The following PRKG1 variants were observed in gnomAD, a reference collection of about 807,000 sequenced individuals.
The protein encoded by PRKG1 is protein kinase cGMP-dependent 1, also known as cGMP-dependent protein kinase 1.
Under a neutral mutation model 88.1 loss-of-function variants are expected in PRKG1, and 35 were observed. The observed-to-expected ratio is 0.40, with a 90% confidence interval of 0.30 to 0.53. PRKG1 has a LOEUF of 0.53. Among genes scored for constraint, PRKG1 ranks in the 20% least tolerant of loss-of-function variants. The pLI is 0.59. For synonymous variants in PRKG1, 303 were observed against 292.5 expected (o/e 1.04, Z -0.37); for missense variants, 540 against 839.8 (o/e 0.64, Z 4.41).
intron 4 of PRKG1, among the ~76,000 whole-genome samples, chr10:51,831,602 G>A (rs1223715822): frequency 6.6e-6 from 1 of 152,144 alleles, no homozygotes; most frequent in East Asian, 1.9e-4. Flanking sequence ...GTTACTCATA[G>A]TTCACTACTA....
chr10:51,785,179 T>C (rs1033734432), intron 3 of PRKG1, among the ~76,000 whole-genome samples: 1 of 151,806 alleles, frequency 6.6e-6, no homozygotes, highest in African/African-American at 2.4e-5. Context: ...CTCCTGCCTC[T>C]ACCCATTCTC....
chr10:51,834,702 G>A (rs1293968548), intron 4 of PRKG1, among the ~76,000 whole-genome samples: 92 of 144,254 alleles, frequency 6.4e-4, no homozygotes, highest in African/African-American at 2.2e-3. Context: ...GAAAGAGAGA[G>A]AGAGAAAGAG....
At chr10:51,661,491 C>T (rs1026612421) in intron 3 of PRKG1, among the ~76,000 whole-genome samples, 3 of 152,146 alleles carry the variant, frequency 2.0e-5, no homozygotes, top group Non-Finnish European at 2.9e-5. Flanking sequence ...CTCATCATCA[C>T]TGGTCATCAG....
chr10:52,052,303 A>G (rs968923913), intron 5 of PRKG1, among the ~76,000 whole-genome samples: 3 of 152,068 alleles, frequency 2.0e-5, no homozygotes, highest in Non-Finnish European at 1.5e-5. Flanking sequence ...GGAAAGGCAC[A>G]CTGGTTCATG....
At chr10:52,118,837 A>G (rs924749228) in intron 7 of PRKG1, among the ~76,000 whole-genome samples, 6 of 152,120 alleles carry the variant, frequency 3.9e-5, no homozygotes, top group Non-Finnish European at 8.8e-5. Flanking sequence ...TTAAGATGAA[A>G]TAGGAAATAT....
intron 3 of PRKG1, among the ~76,000 whole-genome samples, chr10:51,552,617 C>T (rs74595797): frequency 0.055 from 8,272 of 151,522 alleles, 343 homozygotes; most frequent in Middle Eastern, 0.082. Flanking sequence ...ATCAACTCTC[C>T]CCCATTTAAT....
intron 3 of PRKG1, among the ~76,000 whole-genome samples, chr10:51,636,118 C>T (rs1839649476): frequency 6.6e-6 from 1 of 152,124 alleles, no homozygotes; most frequent in Non-Finnish European, 1.5e-5. Context: ...TTCTTTAAAG[C>T]ATAAGCTGCT....
chr10:51,106,844 C>T (rs1050452546), intron 1 of PRKG1, among the ~76,000 whole-genome samples: 2 of 152,184 alleles, frequency 1.3e-5, no homozygotes, highest in Non-Finnish European at 2.9e-5. Context: ...GTTTAGTGAG[C>T]ACTTAACTAT....
chr10:51,789,941 C>A lies in PRKG1; in HGVS notation c.593-14644C>A, dbSNP rs1301610549. Among the ~76,000 whole-genome samples the A allele has an allele frequency of 2.0e-5, 3 of 152,064 alleles. No homozygotes were observed. In the East Asian group the frequency reaches 5.8e-4, roughly 29 times the overall value. On this transcript the variant is annotated intron_variant, in intron 3 of 17. Transcript: ENST00000373980. Reference sequence around the variant, plus strand: ...GGTTCAAGCAATTCTTCTGCCTCAGCCTCCCAAGTAGATGGGATTACAGGC... The same window carrying A: ...GGTTCAAGCAATTCTTCTGCCTCAGACTCCCAAGTAGATGGGATTACAGGC...
chr10:51,531,299 T>C (rs887666542), intron 3 of PRKG1, among the ~76,000 whole-genome samples: 1 of 152,210 alleles, frequency 6.6e-6, no homozygotes, highest in Non-Finnish European at 1.5e-5. Context: ...CTTTTTAAGA[T>C]AATCTTGACG....
Position 52,157,306 on chromosome 10 carries a change from GATAT to G in PRKG1, c.1002-4554_1002-4551del, listed in dbSNP as rs142784154. Among the ~76,000 whole-genome samples, 310 of 125,906 alleles carry G rather than the reference GATAT, an allele frequency of 2.5e-3. 3 individuals are homozygous for G. Among genetic ancestry groups the G allele is most frequent in the Middle Eastern group, 8.7e-3 (2 of 230 alleles). The allele number at this position is 125,906 out of a possible 152,430, so 82.6% of individuals were successfully genotyped here. On this transcript the variant is annotated intron_variant, in intron 8 of 17. Coordinates refer to ENST00000373980, the MANE Select transcript of PRKG1 (RefSeq NM_006258.4). The stretch of plus-strand genomic sequence containing the variant: ...TATATATATTGTGTGTGAGTTAGTT[GATAT>G]ATATATATATATATATATATATATA...
intron 2 of PRKG1, among the ~76,000 whole-genome samples, chr10:51,351,495 C>T (rs956556272): frequency 2.0e-5 from 3 of 151,636 alleles, no homozygotes; most frequent in African/African-American, 7.3e-5. Flanking sequence ...ATTTGCATTT[C>T]TCATCATCAG....
At chr10:51,704,295 T>A (rs1334476170) in intron 3 of PRKG1, among the ~76,000 whole-genome samples, 1 of 151,986 alleles carries the variant, frequency 6.6e-6, no homozygotes, top group African/African-American at 2.4e-5. Flanking sequence ...CACCTCTGTA[T>A]CCTCAGCACC....
At chr10:52,246,964 A>C (rs2132391617) in intron 9 of PRKG1, among the ~76,000 whole-genome samples, 1 of 108,220 alleles carries the variant, frequency 9.2e-6, no homozygotes, top group Middle Eastern at 5.1e-3. Flanking sequence ...GATGAATCTT[A>C]TAATCAGACA....
chr10:51,897,903 C>T (rs1841890465), intron 4 of PRKG1, among the ~76,000 whole-genome samples: 1 of 151,918 alleles, frequency 6.6e-6, no homozygotes, highest in African/African-American at 2.4e-5. Context: ...ATAAATCACA[C>T]CTAGACTGAA....
intron 4 of PRKG1, among the ~76,000 whole-genome samples, chr10:51,895,491 G>C (rs745377423): frequency 3.3e-5 from 5 of 152,088 alleles, no homozygotes; most frequent in Non-Finnish European, 5.9e-5. Flanking sequence ...CCCAACCCAT[G>C]TCTGAGCATT....
At chr10:51,183,260 G>A (rs1173658889) in intron 2 of PRKG1, among the ~76,000 whole-genome samples, 1 of 152,190 alleles carries the variant, frequency 6.6e-6, no homozygotes. Context: ...TGGGTTGTGG[G>A]AAAGCATAGA....
At chr10:51,568,018 C>G (rs1298940809) in intron 3 of PRKG1, among the ~76,000 whole-genome samples, 1 of 151,906 alleles carries the variant, frequency 6.6e-6, no homozygotes, top group Non-Finnish European at 1.5e-5. Flanking sequence ...TAACTTCTTC[C>G]CTGTTCATGG....
intron 5 of PRKG1, among the ~76,000 whole-genome samples, chr10:51,943,142 G>T (rs1842947930): frequency 6.6e-6 from 1 of 152,018 alleles, no homozygotes; most frequent in Non-Finnish European, 1.5e-5. Flanking sequence ...GCAGTGGTTT[G>T]TAGTTATCCT....
Sources: allele counts gnomAD v4.1 joint callset (sites outside exome capture counted in the v4.1 genomes callset), GRCh38; gene constraint gnomAD v4.1.1; transcripts MANE v1.5; gene names NCBI Gene and HGNC (gene_info 2026-07-23, HGNC 2026-07-21).